Variants in TOP6BL observed in about 807,000 individuals in gnomAD.
The protein encoded by TOP6BL is type 2 DNA topoisomerase 6 subunit B-like.
the TOP6BL span, among the ~76,000 whole-genome samples, chr11:66,815,250 A>G: frequency 6.6e-6 from 1 of 152,154 alleles, no homozygotes; most frequent in Non-Finnish European, 1.5e-5. Context: ...TTTTTTGCCA[A>G]TTCATGGTCC....
At chr11:66,805,885 T>A in the TOP6BL span, among the ~76,000 whole-genome samples, 1 of 152,250 alleles carries the variant, frequency 6.6e-6, no homozygotes, top group Non-Finnish European at 1.5e-5. Context: ...GGTATGTGAA[T>A]TGTATCTCAA....
the TOP6BL span, chr11:66,762,368 A>G: frequency 9.6e-4 from 359 of 373,594 alleles, 4 homozygotes; most frequent in South Asian, 8.6e-3. Context: ...GAAGCCCAGC[A>G]TATGGGGCAC....
the TOP6BL span, among the ~76,000 whole-genome samples, chr11:66,827,607 G>A: frequency 1.3e-5 from 2 of 151,772 alleles, no homozygotes; most frequent in Admixed American, 6.6e-5. Context: ...TCTTCTTATA[G>A]AAGAGCAGTT....
chr11:66,754,770 C>G, the TOP6BL span, among the ~76,000 whole-genome samples: 1 of 152,244 alleles, frequency 6.6e-6, no homozygotes, highest in Non-Finnish European at 1.5e-5. Flanking sequence ...TTCACTAACT[C>G]CACTTGTTTT....
chr11:66,782,655 G>C, the TOP6BL span, among the ~76,000 whole-genome samples: 3 of 151,996 alleles, frequency 2.0e-5, no homozygotes, highest in African/African-American at 7.3e-5. Flanking sequence ...TTCTCTCAAG[G>C]GATTGTAACC....
chr11:66,783,038 T>C, the TOP6BL span, among the ~76,000 whole-genome samples: 1 of 152,180 alleles, frequency 6.6e-6, no homozygotes, highest in Non-Finnish European at 1.5e-5. Context: ...GTAATGGTAG[T>C]TTGGCTCTCT....
At chr11:66,750,503 G>T in the TOP6BL span, among the ~76,000 whole-genome samples, 4 of 151,900 alleles carry the variant, frequency 2.6e-5, no homozygotes, top group Non-Finnish European at 5.9e-5. Context: ...AGCCAAGATC[G>T]CACCACTGCA....
At chr11:66,811,128 T>A in the TOP6BL span, among the ~76,000 whole-genome samples, 1 of 151,916 alleles carries the variant, frequency 6.6e-6, no homozygotes, top group African/African-American at 2.4e-5. Flanking sequence ...TAATTTTGCA[T>A]GTGTGTGTGT....
the TOP6BL span, among the ~76,000 whole-genome samples, chr11:66,810,606 G>A: frequency 6.6e-6 from 1 of 152,128 alleles, no homozygotes; most frequent in Non-Finnish European, 1.5e-5. Context: ...GAGAAAAGGA[G>A]CAAGTAGGGG....
the TOP6BL span, among the ~76,000 whole-genome samples, chr11:66,788,768 C>T: frequency 2.1e-4 from 32 of 152,260 alleles, no homozygotes; most frequent in South Asian, 6.4e-3. Flanking sequence ...GAGATGTGGT[C>T]TTGCTATGTC....
At chr11:66,801,898 G>A in the TOP6BL span, among the ~76,000 whole-genome samples, 1 of 152,140 alleles carries the variant, frequency 6.6e-6, no homozygotes, top group African/African-American at 2.4e-5. Context: ...GGAACACACA[G>A]AGCCCTTCTG....
chr11:66,762,466 T>G, the TOP6BL span: 4 of 275,224 alleles, frequency 1.5e-5, no homozygotes, highest in Non-Finnish European at 2.7e-5. Flanking sequence ...CAGAGTACCC[T>G]TTTTTGTTTG....
the TOP6BL span, chr11:66,756,505 G>T: frequency 1.9e-6 from 2 of 1,049,574 alleles, no homozygotes; most frequent in Non-Finnish European, 2.3e-6. Flanking sequence ...GCTAATTATG[G>T]GTGAGGAGTG....
At chr11:66,748,985 G>A in the TOP6BL span, among the ~76,000 whole-genome samples, 3 of 151,936 alleles carry the variant, frequency 2.0e-5, no homozygotes, top group Non-Finnish European at 4.4e-5. Context: ...TGTCTTTGAG[G>A]GAAACCTGAT....
chr11:66,798,813 G>A, the TOP6BL span, among the ~76,000 whole-genome samples: 71 of 152,138 alleles, frequency 4.7e-4, no homozygotes, highest in Middle Eastern at 3.4e-3. Context: ...GGTGGCTCAC[G>A]CTTGTATCCT....
At chr11:66,827,570 C>CAT in the TOP6BL span, among the ~76,000 whole-genome samples, 1 of 151,904 alleles carries the variant, frequency 6.6e-6, no homozygotes. Flanking sequence ...CTCAGTTATG[C>CAT]AGTAGAACCT....
the TOP6BL span, among the ~76,000 whole-genome samples, chr11:66,796,708 A>AG: frequency 6.6e-6 from 1 of 151,176 alleles, no homozygotes; most frequent in Admixed American, 6.6e-5. Context: ...GCTTGAGCCC[A>AG]GGAGGTTGAG....
chr11:66,762,239 C>G, the TOP6BL span: 16 of 572,622 alleles, frequency 2.8e-5, no homozygotes, highest in Non-Finnish European at 5.1e-5. Flanking sequence ...GCAGGGGGCC[C>G]GGCCGCAGAA....
chr11:66,804,874 A>G, the TOP6BL span, among the ~76,000 whole-genome samples: 1 of 152,028 alleles, frequency 6.6e-6, no homozygotes, highest in African/African-American at 2.4e-5. Flanking sequence ...CTTGGAGACC[A>G]GCCTGGCCAA....
Sources: gnomAD v4.1 joint callset for allele counts (sites outside exome capture counted in the v4.1 genomes callset) on GRCh38, gnomAD v4.1.1 for gene constraint, MANE v1.5 for transcripts, NCBI Gene and HGNC (gene_info 2026-07-23, HGNC 2026-07-21) for gene names.